The following NEK11 variants were observed in gnomAD, a reference collection of about 807,000 sequenced individuals.
NEK11 encodes NIMA related kinase 11, also known as serine/threonine-protein kinase Nek11.
Under a neutral mutation model 80.7 loss-of-function variants are expected in NEK11, and 72 were observed. That is an observed-to-expected ratio of 0.89 (90% CI 0.74 to 1.08). The LOEUF (loss-of-function observed/expected upper bound fraction) is 1.08. NEK11 is among the 50% of genes least tolerant of loss of function. The pLI, the probability that NEK11 is intolerant of heterozygous loss-of-function variation, is 0.00. For missense variants in NEK11, 764 were observed against 763.6 expected, an observed-to-expected ratio of 1.00 and a Z score of -0.01; for synonymous variants, 251 against 260.7, an observed-to-expected ratio of 0.96 and a Z score of 0.36.
chr3:131,222,990 C>T (rs1393737759), intron 14 of NEK11, among the ~76,000 whole-genome samples: 2 of 152,190 alleles, frequency 1.3e-5, no homozygotes, highest in Non-Finnish European at 2.9e-5. Context: ...TGTCCAAACT[C>T]GTGCAGCCAT....
Position 131,152,347 on chromosome 3 carries a change from G to T in NEK11, c.648-41G>T, listed in dbSNP as rs1326569306. On this transcript the variant is annotated intron_variant, in intron 7 of 17. Transcript: ENST00000383366. ...TGTATGATGAAAAAATTTAAAATAG[G>T]ATATTTGTTCCTTATTTAAATTCTT... is the stretch of plus-strand genomic sequence containing the variant. 2.6e-6 allele frequency: 4 copies of T among 1,537,812 alleles called. No individual in the cohort carries two copies. In the South Asian group the frequency reaches 5.1e-5, roughly 20 times the overall value.
chr3:131,302,255 T>G (rs1473352298), intron 17 of NEK11, among the ~76,000 whole-genome samples: 1 of 152,150 alleles, frequency 6.6e-6, no homozygotes. Context: ...CATTTTTTTC[T>G]TTATTATTCT....
At chr3:131,137,062 A>G (rs1214105684) in intron 7 of NEK11, among the ~76,000 whole-genome samples, 2 of 152,178 alleles carry the variant, frequency 1.3e-5, no homozygotes, top group Non-Finnish European at 2.9e-5. Flanking sequence ...ATATAAGTAA[A>G]GGGAACAGTG....
chr3:131,140,175 C>T (rs1446841523), intron 7 of NEK11, among the ~76,000 whole-genome samples: 1 of 152,150 alleles, frequency 6.6e-6, no homozygotes, highest in Non-Finnish European at 1.5e-5. Flanking sequence ...AAAATTGATG[C>T]TATGTGACTT....
chr3:131,121,580 A>G (rs1014878595), intron 5 of NEK11, among the ~76,000 whole-genome samples: 7 of 152,148 alleles, frequency 4.6e-5, no homozygotes, highest in Non-Finnish European at 1.0e-4. Context: ...CCCTGCCCCC[A>G]GTGGTGGAGT....
intron 3 of NEK11, 86 bp downstream of exon 3, chr3:131,029,964 G>C: frequency 7.8e-7 from 1 of 1,281,816 alleles, no homozygotes; most frequent in Non-Finnish European, 1.1e-6. Context: ...AGCAGGCCAG[G>C]TATGGTGGCT....
chr3:131,122,313 G>C (rs1232325419), intron 5 of NEK11, among the ~76,000 whole-genome samples: 1 of 152,164 alleles, frequency 6.6e-6, no homozygotes, highest in African/African-American at 2.4e-5. Context: ...GCTTTCTCCT[G>C]GTCCTCACTT....
At chr3:131,115,819 A>G (rs1464818025) in intron 5 of NEK11, among the ~76,000 whole-genome samples, 1 of 152,090 alleles carries the variant, frequency 6.6e-6, no homozygotes, top group African/African-American at 2.4e-5. Context: ...CGGCTTCCTC[A>G]TCACCTCACT....
At chr3:131,098,669 G>T (rs550633166) in intron 4 of NEK11, among the ~76,000 whole-genome samples, 1 of 151,462 alleles carries the variant, frequency 6.6e-6, no homozygotes, top group South Asian at 2.1e-4. Context: ...TCTGCCTCCT[G>T]GGTTCAAGCG....
At chr3:131,130,892 C>T (rs2084324608) in intron 5 of NEK11, among the ~76,000 whole-genome samples, 1 of 152,146 alleles carries the variant, frequency 6.6e-6, no homozygotes, top group Admixed American at 6.5e-5. Context: ...ACCTCTGTCT[C>T]CCGGGTTCAA....
intron 5 of NEK11, 65 bp from the exon 6 acceptor site, chr3:131,132,679 AT>A (rs1560561942): frequency 2.5e-6 from 2 of 806,090 alleles, no homozygotes; most frequent in African/African-American, 3.6e-5. Flanking sequence ...AACATATATT[AT>A]TTACATGGGG....
chr3:131,228,809 T>C, intron 15 of NEK11, 121 bp downstream of exon 15: 2 of 944,288 alleles, frequency 2.1e-6, no homozygotes, highest in South Asian at 4.4e-5. Context: ...GTTATTATAA[T>C]AGCTACTTGT....
At chr3:131,239,480 T>C (rs1331034665) in intron 15 of NEK11, among the ~76,000 whole-genome samples, 1 of 152,162 alleles carries the variant, frequency 6.6e-6, no homozygotes, top group African/African-American at 2.4e-5. Flanking sequence ...CATGCATGCA[T>C]CCATTCTCAC....
chr3:131,263,540 G>T (rs1398545351), intron 16 of NEK11, among the ~76,000 whole-genome samples: 1 of 152,034 alleles, frequency 6.6e-6, no homozygotes, highest in African/African-American at 2.4e-5. Context: ...GGATTGTCTT[G>T]GCAATGTGGG....
chr3:131,116,980 A>C (rs1414405133), intron 5 of NEK11, among the ~76,000 whole-genome samples: 1 of 152,132 alleles, frequency 6.6e-6, no homozygotes, highest in Admixed American at 6.5e-5. Context: ...CTTTAGTTTA[A>C]TTAGATCCCA....
At chr3:131,190,593 G>A (rs957003652) in intron 14 of NEK11, among the ~76,000 whole-genome samples, 4 of 152,062 alleles carry the variant, frequency 2.6e-5, no homozygotes, top group Admixed American at 1.3e-4. Flanking sequence ...AGAAGTGGAC[G>A]CTGGCACAAC....
intron 14 of NEK11, among the ~76,000 whole-genome samples, chr3:131,221,637 C>G: frequency 6.6e-6 from 1 of 152,122 alleles, no homozygotes; most frequent in East Asian, 1.9e-4. Flanking sequence ...TCTCTTCAGG[C>G]AAAGTTCCTG....
chr3:131,146,419 C>T (rs138999561), intron 7 of NEK11, among the ~76,000 whole-genome samples: 66 of 152,158 alleles, frequency 4.3e-4, no homozygotes, highest in Non-Finnish European at 8.4e-4. Flanking sequence ...ATTACTTCCT[C>T]TCTCTGAGCT....
Position 131,319,953 on chromosome 3 carries a change from TCTAAA to T in NEK11, c.1719-29598_1719-29594del, listed in dbSNP as rs373365312. ...TTTTCAATATTTCTTGTCAAGAAAT[TCTAAA>T]CTAAAATATTCTAATTAATCTGAAC... On this transcript the variant is annotated intron_variant, in intron 17 of 17. Transcript: ENST00000383366. 5.1e-3 allele frequency among the ~76,000 whole-genome samples: 776 copies of T among 152,182 alleles called. 13 individuals carry two copies. Among genetic ancestry groups the T allele is most frequent in the South Asian group, 0.044 (214 of 4,828 alleles).
Sources: allele counts gnomAD v4.1 joint callset (sites outside exome capture counted in the v4.1 genomes callset), GRCh38; gene constraint gnomAD v4.1.1; transcripts MANE v1.5; gene names NCBI Gene and HGNC (gene_info 2026-07-23, HGNC 2026-07-21).